Variants in LRPPRC observed in about 807,000 individuals in gnomAD.
LRPPRC encodes the protein leucine-rich PPR motif-containing protein, mitochondrial.
LRPPRC carries 120 observed loss-of-function variants against 180.3 expected under a neutral mutation model. That is an observed-to-expected ratio of 0.67 (90% confidence interval 0.57 to 0.77). The LOEUF (loss-of-function observed/expected upper bound fraction) is 0.77, where lower values mean the gene tolerates loss of function less well. Ranked by LOEUF, LRPPRC falls within the 30% of genes least tolerant of loss-of-function variation. The pLI, the probability that LRPPRC is intolerant of heterozygous loss-of-function variation, is 0.00. For synonymous variants in LRPPRC, 723 were observed against 600.0 expected (o/e 1.21, Z -3.00); for missense variants, 2,012 against 1,657.2 (o/e 1.21, Z -3.72).
chr2:43,888,540 A>AAAAT lies in LRPPRC; in HGVS notation c.*56_*59dup. The stretch of plus-strand genomic sequence containing the variant: ...TTTATTTTTCCCTCAGATATACTTC[A>AAAAT]AAATAACATGTAGACACAGAATCAC... On this transcript the variant is annotated 3_prime_UTR_variant, in exon 38 of 38. Coordinates refer to ENST00000260665, the MANE Select transcript of LRPPRC (RefSeq NM_133259.4). 9.2e-7 allele frequency: 1 copy of AAAAT among 1,092,096 alleles called. No individual in the cohort carries two copies. Among genetic ancestry groups the AAAAT allele is most frequent in the Non-Finnish European group, 1.4e-6 (1 of 707,612 alleles). 67.7% of individuals were successfully genotyped at this position (1,092,096 alleles called of 1,614,324 possible). A position where few individuals can be genotyped will look rare whatever the true frequency, so the allele number is the denominator to read the frequency against.
chr2:43,941,937 G>A (rs1385051441), intron 23 of LRPPRC, among the ~76,000 whole-genome samples: 2 of 150,602 alleles, frequency 1.3e-5, no homozygotes, highest in African/African-American at 2.4e-5. Flanking sequence ...CACCAATAAT[G>A]AAAAGACACT....
intron 11 of LRPPRC, among the ~76,000 whole-genome samples, chr2:43,973,173 C>T (rs907830390): frequency 6.6e-6 from 1 of 152,108 alleles, no homozygotes; most frequent in African/African-American, 2.4e-5. Flanking sequence ...TCCTATTATT[C>T]TAACTAAGCT....
At chr2:43,922,742 C>T (rs1024306857) in intron 27 of LRPPRC, among the ~76,000 whole-genome samples, 30 of 152,094 alleles carry the variant, frequency 2.0e-4, no homozygotes, top group African/African-American at 6.3e-4. Flanking sequence ...CAGCAAGACC[C>T]AATTCATATC....
intron 22 of LRPPRC, 36 bp from the exon 23 acceptor site, chr2:43,943,930 T>G: frequency 6.7e-7 from 1 of 1,489,382 alleles, no homozygotes. Flanking sequence ...CTTAGGTAAT[T>G]TCATGTAGGG....
intron 30 of LRPPRC, among the ~76,000 whole-genome samples, chr2:43,910,239 C>CTTTT (rs60273880): frequency 1.4e-5 from 2 of 146,338 alleles, no homozygotes; most frequent in Non-Finnish European, 3.0e-5. Flanking sequence ...ATCTCTCTCC[C>CTTTT]TTTTTTTTTT....
chr2:43,898,779 G>GT (rs914249039), intron 34 of LRPPRC, among the ~76,000 whole-genome samples: 1 of 152,196 alleles, frequency 6.6e-6, no homozygotes, highest in African/African-American at 2.4e-5. Flanking sequence ...GTGAGAAGCT[G>GT]TACTTGAAAA....
chr2:43,906,716 G>C (rs1015753884), intron 30 of LRPPRC, among the ~76,000 whole-genome samples: 1 of 152,184 alleles, frequency 6.6e-6, no homozygotes, highest in African/African-American at 2.4e-5. Context: ...AAGCTGGGCA[G>C]ATTGCAACAA....
At position 43,983,508 on chromosome 2, in the gene LRPPRC, A is replaced by C. The variant is rs539635052; in HGVS notation, c.150-1074T>G. The stretch of plus-strand genomic sequence containing the variant: ...TTATGTGTGAAGGAAACCTGTTATC[A>C]ATCTGAGTTGAATTTAAAAATGCTT... On this transcript the variant is annotated intron_variant, in intron 1 of 37. Transcript: ENST00000260665. Among the ~76,000 whole-genome samples the C allele has an allele frequency of 2.1e-3, 327 of 152,298 alleles. 1 individual carries two copies. Among genetic ancestry groups the C allele is most frequent in the Non-Finnish European group, 4.3e-3 (291 of 67,992 alleles).
At chr2:43,904,883 G>A (rs1671018059) in intron 31 of LRPPRC, among the ~76,000 whole-genome samples, 1 of 152,096 alleles carries the variant, frequency 6.6e-6, no homozygotes, top group South Asian at 2.1e-4. Context: ...CAGTATCACT[G>A]TATTCACTCA....
chr2:43,936,432 A>G (rs1672281190), intron 23 of LRPPRC, among the ~76,000 whole-genome samples: 1 of 152,226 alleles, frequency 6.6e-6, no homozygotes, highest in African/African-American at 2.4e-5. Context: ...TCCAAGTACA[A>G]CTAGTGACAA....
intron 5 of LRPPRC, 29 bp downstream of exon 5, chr2:43,976,965 C>G (rs763898803): frequency 1.4e-5 from 22 of 1,583,392 alleles, no homozygotes; most frequent in Non-Finnish European, 1.7e-5. Flanking sequence ...CAAATTTGTT[C>G]GCTTAAACAT....
chr2:43,955,474 G>GAAAAAAAAAAAAAA (rs200193004), intron 14 of LRPPRC, among the ~76,000 whole-genome samples: 4 of 115,268 alleles, frequency 3.5e-5, no homozygotes, highest in Admixed American at 8.8e-5. Flanking sequence ...GTCTCAAAAA[G>GAAAAAAAAAAAAAA]AAAAAAAAAA....
At chr2:43,954,928 T>C (rs1287650371) in intron 14 of LRPPRC, among the ~76,000 whole-genome samples, 1 of 152,232 alleles carries the variant, frequency 6.6e-6, no homozygotes, top group South Asian at 2.1e-4. Flanking sequence ...ATATTACTTT[T>C]GTTTAAACAA....
Position 43,943,978 on chromosome 2 carries a change from C to A in LRPPRC, c.2297-84G>T, listed in dbSNP as rs1672587340. ...TATTAAAACAGCATTTCAAGCCCAG[C>A]AGGAATGTAAATTCTAGTGTATAAT... On this transcript the variant is annotated intron_variant, in intron 22 of 37. Coordinates refer to ENST00000260665, the MANE Select transcript of LRPPRC (RefSeq NM_133259.4). 3 of 954,810 alleles carry A rather than the reference C, an allele frequency of 3.1e-6. No homozygotes were observed. The East Asian group carries it at 7.5e-5, about 24-fold the overall frequency. 59.1% of individuals were successfully genotyped at this position (954,810 alleles called of 1,614,324 possible).
chr2:43,937,163 C>T (rs780082549), intron 23 of LRPPRC, among the ~76,000 whole-genome samples: 4 of 152,060 alleles, frequency 2.6e-5, no homozygotes, highest in Admixed American at 6.6e-5. Flanking sequence ...AGTCTTTGGT[C>T]TCCAAATATA....
At chr2:43,983,024 T>C (rs1029287443) in intron 1 of LRPPRC, among the ~76,000 whole-genome samples, 1 of 152,146 alleles carries the variant, frequency 6.6e-6, no homozygotes, top group Non-Finnish European at 1.5e-5. Context: ...TCTTAATTCT[T>C]ATCTGCTGTG....
At position 43,971,484 on chromosome 2, in the gene LRPPRC, G is replaced by GT. The variant is rs1673802297; in HGVS notation, c.1369+2122dup. 8.4e-4 allele frequency among the ~76,000 whole-genome samples: 4 copies of GT among 4,782 alleles called. No homozygotes were observed. The African/African-American group carries it at 9.4e-3, about 11-fold the overall frequency. The allele number at this position is 4,782 out of a possible 152,430, so 3.1% of individuals were successfully genotyped here. On this transcript the variant is annotated intron_variant, in intron 11 of 37. Transcript: ENST00000260665. ...CAGGACCTCCTGAGGCTGTGTCACA[G>GT]TAAAAAAAAAAAAAAAAAAAGAAAA... is the stretch of plus-strand genomic sequence containing the variant.
At chr2:43,980,900 T>A (rs1420133579) in intron 2 of LRPPRC, among the ~76,000 whole-genome samples, 2 of 152,144 alleles carry the variant, frequency 1.3e-5, no homozygotes, top group Non-Finnish European at 2.9e-5. Context: ...CAAAACTGAT[T>A]GTAGTGATGG....
At chr2:43,925,181 G>C in intron 26 of LRPPRC, 24 bp from the exon 27 acceptor site, 1 of 1,102,318 alleles carries the variant, frequency 9.1e-7, no homozygotes, top group Non-Finnish European at 1.4e-6. Flanking sequence ...TTAAGAGATA[G>C]ATCTACCTTG....
Sources: allele counts gnomAD v4.1 joint callset (sites outside exome capture counted in the v4.1 genomes callset), GRCh38; gene constraint gnomAD v4.1.1; transcripts MANE v1.5; gene names NCBI Gene and HGNC (gene_info 2026-07-23, HGNC 2026-07-21).